L3MBTL2: variants seen among roughly 807,000 people sequenced by gnomAD.
The protein encoded by L3MBTL2 is L3MBTL histone methyl-lysine binding protein 2, also known as lethal(3)malignant brain tumor-like protein 2.
A neutral mutation model predicts 86.4 loss-of-function variants in L3MBTL2; 49 were observed. The observed-to-expected ratio is 0.57, with a 90% CI of 0.45 to 0.72. L3MBTL2 has a LOEUF of 0.72. Among genes scored for constraint, L3MBTL2 ranks in the 30% least tolerant of loss-of-function variants. The pLI is 0.00. For synonymous variants in L3MBTL2, 336 were observed against 350.6 expected (o/e 0.96, Z 0.47); for missense variants, 755 against 923.7 (o/e 0.82, Z 2.37).
chr22:41,226,624 C>G, intron 12 of L3MBTL2, 38 bp from the exon 13 acceptor site: 1 of 1,447,498 alleles, frequency 6.9e-7, no homozygotes, highest in Non-Finnish European at 9.7e-7. Context: ...TTCCTGCTTC[C>G]CCCTCTCCCT....
chr22:41,214,998 T>A (rs371969962), intron 3 of L3MBTL2, among the ~76,000 whole-genome samples: 1,481 of 55,742 alleles, frequency 0.027, 29 homozygotes, highest in African/African-American at 0.13. Flanking sequence ...GGGGAAAATA[T>A]TATGTAAAAT....
intron 1 of L3MBTL2, among the ~76,000 whole-genome samples, chr22:41,206,352 C>T (rs902193110): frequency 5.3e-5 from 8 of 152,062 alleles, no homozygotes; most frequent in African/African-American, 1.9e-4. Flanking sequence ...CCTATGTTGC[C>T]CTGGCTGGAA....
chr22:41,210,764 C>G (rs1569137057), intron 2 of L3MBTL2, among the ~76,000 whole-genome samples: 1 of 152,206 alleles, frequency 6.6e-6, no homozygotes, highest in African/African-American at 2.4e-5. Flanking sequence ...GTGCCCGGCC[C>G]TAGTCTAATT....
chr22:41,211,290 T>A (rs1284511054), intron 2 of L3MBTL2, among the ~76,000 whole-genome samples: 1 of 152,128 alleles, frequency 6.6e-6, no homozygotes, highest in African/African-American at 2.4e-5. Context: ...AGCCTCGACC[T>A]CCTGGGCTCA....
chr22:41,228,851 C>CAAA lies in L3MBTL2; in HGVS notation c.1889-675_1889-673dup, dbSNP rs1555921640. The stretch of plus-strand genomic sequence containing the variant: ...GGCGGAAGAGGGAAACTCCATCGCA[C>CAAA]AAAAAAAAAAAAAAAATTGAGTGAG... On this transcript the variant is annotated intron_variant, in intron 15 of 16. Coordinates refer to ENST00000216237, the MANE Select transcript of L3MBTL2 (RefSeq NM_031488.5). 8.3e-4 allele frequency among the ~76,000 whole-genome samples: 81 copies of CAAA among 97,364 alleles called. 2 individuals carry two copies. The highest frequency in any genetic ancestry group is 2.8e-3 in the African/African-American group (75 of 26,864). The allele number at this position is 97,364 out of a possible 152,430, so 63.9% of individuals were successfully genotyped here. A position where few individuals can be genotyped will look rare whatever the true frequency, so the allele number is the denominator to read the frequency against.
chr22:41,215,524 C>G (rs1341985345), intron 3 of L3MBTL2, among the ~76,000 whole-genome samples: 1 of 152,230 alleles, frequency 6.6e-6, no homozygotes, highest in East Asian at 1.9e-4. Flanking sequence ...TCCTGGCCTT[C>G]CTGTTCAGTA....
intron 7 of L3MBTL2, 102 bp from the exon 8 acceptor site, chr22:41,221,097 G>A (rs920828012): frequency 2.0e-5 from 22 of 1,074,420 alleles, no homozygotes; most frequent in Middle Eastern, 3.1e-4. Context: ...GCTATTTTCA[G>A]TCCCCACTGC....
rs947822221 is a variant in L3MBTL2 at position 41,224,225 on chromosome 22, G to A, written c.1148G>A (p.Arg383His). 4 of 1,612,738 alleles carry A rather than the reference G, an allele frequency of 2.5e-6. No homozygotes were observed. Among genetic ancestry groups the A allele is most frequent in the Admixed American group, 1.7e-5 (1 of 60,010 alleles). ...ATCCACCCAGTGGGTTGGTCACGAC[G>A]TGTGGGCCACGGCATCAAGATGTCA... ...PLIHPVGWSR[R>H]VGHGIKMSER... Residue 383 changes from arginine to histidine, a missense_variant, in exon 9 of 17, where the codon CGT (arginine) becomes CAT (histidine). Arg to His is a conservative substitution (Grantham distance 29, BLOSUM62 0). Around this residue, in one of 3 missense-constraint regions of L3MBTL2, gnomAD observed 634 missense variants for 748.9 expected, o/e 0.85. Transcript: ENST00000216237. The surrounding 1 kb of genome is among the most constrained non-coding windows in gnomAD (Gnocchi z 4.9).
intron 1 of L3MBTL2, chr22:41,209,430 T>C: frequency 2.5e-6 from 1 of 402,346 alleles, no homozygotes; most frequent in Non-Finnish European, 4.7e-6. Context: ...AGTATTCTAT[T>C]TGAACCATGT....
At chr22:41,218,806 A>G (rs2031589913) in intron 5 of L3MBTL2, 1 of 151,964 alleles carries the variant, frequency 6.6e-6, no homozygotes, top group Admixed American at 6.5e-5. Flanking sequence ...TTGTATTTTT[A>G]GTAGAGACAT....
rs1446386426 is a variant in L3MBTL2, at chr22:41,225,836, C to T, written c.1399C>T (p.Pro467Ser). The T allele has an allele frequency of 6.2e-7, 1 of 1,613,922 alleles. No homozygotes were observed. The highest frequency in any genetic ancestry group is 1.3e-5 in the African/African-American group (1 of 74,904). The change falls in exon 12 of 17, where the codon CCC (proline) becomes TCC (serine). Residue 467 changes from proline to serine, a missense_variant. Pro to Ser is a moderately conservative substitution (Grantham distance 74). Around this residue, in one of 3 missense-constraint regions of L3MBTL2, gnomAD observed 634 missense variants for 748.9 expected, o/e 0.85. Transcript: ENST00000216237. This position sits in a 1 kb window ranked among gnomAD's most constrained non-coding sequence, Gnocchi z 4.1. ...CCTGATGATCTGTGTGGACGGGGGGCCCTCCACAGATGGCTTGGACTGGTT... is the reference window on the plus strand; with the variant it reads ...CCTGATGATCTGTGTGGACGGGGGGTCCTCCACAGATGGCTTGGACTGGTT... ...GYLMICVDGG[P>S]STDGLDWFCY... is the part of the protein sequence containing the mutation.
chr22:41,223,631 C>T (rs1367457583), intron 8 of L3MBTL2, among the ~76,000 whole-genome samples: 1 of 152,266 alleles, frequency 6.6e-6, no homozygotes, highest in Non-Finnish European at 1.5e-5. Flanking sequence ...ACAGGCTGCA[C>T]ACCAGCTTCC....
chr22:41,208,532 C>T (rs1182938325), intron 1 of L3MBTL2: 7 of 275,620 alleles, frequency 2.5e-5, no homozygotes, highest in Non-Finnish European at 5.0e-5. Context: ...AAAGTTGAAG[C>T]CCACAGAAGT....
chr22:41,230,443 C>G lies in L3MBTL2; in HGVS notation c.*192C>G. On this transcript the variant is annotated 3_prime_UTR_variant, in exon 17 of 17. Transcript: ENST00000216237. ...GACCCGCCTGTTGCTTCTGCCCTCCCCTGTGGAAAGGTCTATATGACGGGC... is the reference window on the plus strand; with the variant it reads ...GACCCGCCTGTTGCTTCTGCCCTCCGCTGTGGAAAGGTCTATATGACGGGC... 1.7e-6 allele frequency: 1 copy of G among 589,022 alleles called. No individual in the cohort carries two copies. Among genetic ancestry groups the G allele is most frequent in the Admixed American group, 3.0e-5 (1 of 32,914 alleles). 36.5% of individuals were successfully genotyped at this position (589,022 alleles called of 1,614,324 possible).
At chr22:41,216,961 T>C in intron 4 of L3MBTL2, 162 bp from the exon 5 acceptor site, 2 of 583,942 alleles carry the variant, frequency 3.4e-6, no homozygotes, top group Non-Finnish European at 6.1e-6. Flanking sequence ...CACTGGTGGA[T>C]CAGGTATGGG....
At chr22:41,210,519 CAG>C (rs984884404) in intron 2 of L3MBTL2, among the ~76,000 whole-genome samples, 5 of 152,220 alleles carry the variant, frequency 3.3e-5, no homozygotes, top group African/African-American at 1.2e-4. Context: ...TTAGGAGAGA[CAG>C]GGTTTCACCA....
At chr22:41,226,779 T>G in intron 13 of L3MBTL2, 35 bp downstream of exon 13, 1 of 1,497,920 alleles carries the variant, frequency 6.7e-7, no homozygotes, top group African/African-American at 1.4e-5. Flanking sequence ...GGGCCTGCGG[T>G]GGCCTCAGGA....
chr22:41,227,474 C>T lies in L3MBTL2; in HGVS notation c.1822+151C>T. ...GTAGAGAGTGAGCCCCGTCACCCAG[C>T]CCCTGCTCCTGACTTCTCTGTCTCC... On this transcript the variant is annotated intron_variant, in intron 14 of 16. Transcript: ENST00000216237. The surrounding 1 kb of genome is among the most constrained non-coding windows in gnomAD (Gnocchi z 6.0). 8.3e-7 allele frequency: 1 copy of T among 1,210,020 alleles called. No homozygotes were observed. The highest frequency in any genetic ancestry group is 1.2e-6 in the Non-Finnish European group (1 of 838,546). The allele number at this position is 1,210,020 out of a possible 1,614,324, so 75.0% of individuals were successfully genotyped here.
chr22:41,226,034 T>C, intron 12 of L3MBTL2, 93 bp downstream of exon 12: 1 of 1,419,046 alleles, frequency 7.0e-7, no homozygotes, highest in South Asian at 1.3e-5. Flanking sequence ...CCTAGCACTT[T>C]GGGAGGCCGA....
Sources: gnomAD v4.1 joint callset for allele counts (sites outside exome capture counted in the v4.1 genomes callset) on GRCh38, gnomAD v4.1.1 for gene constraint, gnomAD v4.1.1 regional missense constraint, Gnocchi (gnomAD v3.1) non-coding constraint, MANE v1.5 for transcripts, NCBI Gene and HGNC (gene_info 2026-07-23, HGNC 2026-07-21) for gene names.